SDK2: variants seen among roughly 807,000 people sequenced by gnomAD.
SDK2 encodes protein sidekick-2.
Under a neutral mutation model 253.9 loss-of-function variants are expected in SDK2, and 105 were observed. The observed-to-expected ratio is 0.41, with a 90% CI of 0.35 to 0.49. The LOEUF is 0.49. Ranked by LOEUF, SDK2 falls within the 20% of genes least tolerant of loss-of-function variation. SDK2 has a pLI of 0.06. For synonymous variants in SDK2, 1,249 were observed against 1,234.9 expected (o/e 1.01, Z -0.24); for missense variants, 2,608 against 3,003.0 (o/e 0.87, Z 3.07).
chr17:73,527,057 T>G (rs778477618), intron 1 of SDK2, among the ~76,000 whole-genome samples: 27 of 152,230 alleles, frequency 1.8e-4, no homozygotes, highest in Non-Finnish European at 2.9e-4. Flanking sequence ...GTGTGAGGCA[T>G]CACCGGGCAT....
intron 1 of SDK2, among the ~76,000 whole-genome samples, chr17:73,575,854 C>T (rs908938402): frequency 3.3e-5 from 5 of 152,158 alleles, no homozygotes; most frequent in Non-Finnish European, 5.9e-5. Context: ...TGGATTCTCA[C>T]GAAGGGGCAG....
intron 2 of SDK2, 131 bp downstream of exon 2, chr17:73,507,307 A>T: frequency 1.0e-6 from 1 of 975,178 alleles, no homozygotes; most frequent in Non-Finnish European, 1.5e-6. Flanking sequence ...TTTGCCACTC[A>T]CTTCCAGAAC....
chr17:73,582,950 C>T (rs532487165), intron 1 of SDK2, among the ~76,000 whole-genome samples: 53 of 152,310 alleles, frequency 3.5e-4, no homozygotes, highest in Admixed American at 5.9e-4. Context: ...CTTTACAACC[C>T]TCTAACGTGG....
At chr17:73,378,001 G>A (rs769695830) in intron 36 of SDK2, among the ~76,000 whole-genome samples, 13 of 152,150 alleles carry the variant, frequency 8.5e-5, no homozygotes, top group South Asian at 2.1e-4. Context: ...TCCCAGCTTC[G>A]TGGGCCTTTC....
intron 1 of SDK2, among the ~76,000 whole-genome samples, chr17:73,557,681 T>C (rs925670331): frequency 7.9e-5 from 12 of 152,170 alleles, no homozygotes; most frequent in African/African-American, 2.9e-4. Flanking sequence ...CTTACTTTCT[T>C]TCCCTGCCTC....
Position 73,623,691 on chromosome 17 carries a change from C to T in SDK2, c.64+20334G>A, listed in dbSNP as rs566516503. 1.8e-4 allele frequency among the ~76,000 whole-genome samples: 27 copies of T among 152,290 alleles called. No individual in the cohort carries two copies. In the South Asian group the frequency reaches 5.2e-3, roughly 29 times the overall value. ...TGACACTGGGACTCTGATCCCCTTT[C>T]GGTCAGCTCCACTGCACCCCACCCC... On this transcript the variant is annotated intron_variant, in intron 1 of 44. Transcript: ENST00000392650.
intron 1 of SDK2, among the ~76,000 whole-genome samples, chr17:73,510,171 C>T (rs896327314): frequency 6.6e-6 from 1 of 152,110 alleles, no homozygotes; most frequent in Non-Finnish European, 1.5e-5. Context: ...TGGTCAGGTT[C>T]AGCCCTTGTT....
rs527426910 is a variant in SDK2 at position 73,534,506 on chromosome 17, C to A, written c.65-26909G>T. ...ACAGTGTGGGGGCTGGGAGAAAAGA[C>A]AGACAGGAGGGAGGAGGAAGGAGAA... On this transcript the variant is annotated intron_variant, in intron 1 of 44. Coordinates refer to ENST00000392650, the MANE Select transcript of SDK2 (RefSeq NM_001144952.2). This position sits in a 1 kb window ranked among gnomAD's most constrained non-coding sequence, Gnocchi z 4.9. 6.6e-6 allele frequency among the ~76,000 whole-genome samples: 1 copy of A among 152,138 alleles called. No homozygotes were observed. The highest frequency in any genetic ancestry group is 6.5e-5 in the Admixed American group (1 of 15,284).
chr17:73,602,606 C>T (rs949984873), intron 1 of SDK2, among the ~76,000 whole-genome samples: 3 of 151,552 alleles, frequency 2.0e-5, no homozygotes, highest in Admixed American at 2.0e-4. Context: ...GACATTTTTC[C>T]CATTCTCAGT....
At chr17:73,625,401 CAGG>C (rs2046188860) in intron 1 of SDK2, among the ~76,000 whole-genome samples, 1 of 152,156 alleles carries the variant, frequency 6.6e-6, no homozygotes, top group African/African-American at 2.4e-5. Flanking sequence ...GAGGGGGCAG[CAGG>C]AGAACAGGGT....
chr17:73,597,831 G>C (rs1472738837), intron 1 of SDK2, among the ~76,000 whole-genome samples: 1 of 151,984 alleles, frequency 6.6e-6, no homozygotes, highest in Non-Finnish European at 1.5e-5. Context: ...ATTTTTAGTA[G>C]AGATGGGGTT....
intron 18 of SDK2, among the ~76,000 whole-genome samples, chr17:73,404,656 C>T (rs1366470876): frequency 6.6e-6 from 1 of 152,204 alleles, no homozygotes; most frequent in African/African-American, 2.4e-5. Context: ...GTACACAGAG[C>T]TGCTGAGATG....
chr17:73,521,324 G>A (rs551682632), intron 1 of SDK2: 73 of 152,078 alleles, frequency 4.8e-4, no homozygotes, highest in African/African-American at 1.6e-3. Context: ...TAAGGCATGA[G>A]TCAGTCTTAA....
chr17:73,438,228 G>T (rs1421985093), intron 6 of SDK2, 74 bp from the exon 7 acceptor site: 3 of 1,399,918 alleles, frequency 2.1e-6, no homozygotes, highest in Admixed American at 2.2e-5. Context: ...GCAGGGGGTG[G>T]TAAGGAGTGT....
intron 44 of SDK2, among the ~76,000 whole-genome samples, chr17:73,346,860 AG>A (rs2062489017): frequency 6.6e-6 from 1 of 152,118 alleles, no homozygotes; most frequent in Non-Finnish European, 1.5e-5. Context: ...GCTGAAACCG[AG>A]GGGCCCTGGC....
At chr17:73,469,992 G>GCGCGCGCGCGCGCGCGCGCACACA (rs1328450219) in intron 3 of SDK2, among the ~76,000 whole-genome samples, 1 of 126,184 alleles carries the variant, frequency 7.9e-6, no homozygotes, top group African/African-American at 3.1e-5. Flanking sequence ...GCGCGCGCGC[G>GCGCGCGCGCGCGCGCGCGCACACA]CACACACACA....
chr17:73,348,697 G>T lies in SDK2; in HGVS notation c.6067C>A (p.Leu2023Met). The T allele has an allele frequency of 6.2e-7, 1 of 1,610,296 alleles. No homozygotes were observed. ...RSPPRPSPGS[L>M]HYSDEDVTKY... ...GTGACATCCTCATCCGAGTAGTGCA[G>T]GCTGCCTGGGCTGGGCCTGGGGGGA... The change falls in exon 44 of 45, where the codon CTG becomes ATG. Residue 2023 changes from leucine (L) to methionine (M), a missense_variant. Coordinates refer to ENST00000392650, the MANE Select transcript of SDK2 (RefSeq NM_001144952.2).
intron 1 of SDK2, among the ~76,000 whole-genome samples, chr17:73,530,606 C>G (rs1324208935): frequency 6.6e-6 from 1 of 152,168 alleles, no homozygotes; most frequent in African/African-American, 2.4e-5. Flanking sequence ...CTGTAAGCCC[C>G]TCGCAGGGGT....
chr17:73,615,798 G>A (rs1030247506), intron 1 of SDK2, among the ~76,000 whole-genome samples: 4 of 152,056 alleles, frequency 2.6e-5, no homozygotes, highest in African/African-American at 4.8e-5. Flanking sequence ...GTATACATGC[G>A]CACAAATATA....
Sources: allele counts gnomAD v4.1 joint callset (sites outside exome capture counted in the v4.1 genomes callset), GRCh38; gene constraint gnomAD v4.1.1; non-coding constraint Gnocchi (gnomAD v3.1); transcripts MANE v1.5; gene names NCBI Gene and HGNC (gene_info 2026-07-23, HGNC 2026-07-21).